Variants in TEKTIP1 observed in about 807,000 individuals in gnomAD.
TEKTIP1 encodes tektin bundle-interacting protein 1.
the TEKTIP1 span, chr19:3,540,014 GGCTAA>G: frequency 6.6e-5 from 10 of 152,032 alleles, no homozygotes; most frequent in Non-Finnish European, 1.0e-4. Flanking sequence ...CACTTTGGAA[GGCTAA>G]GACAGGAGGA....
At chr19:3,543,489 C>A in the TEKTIP1 span, 1,264 of 1,521,030 alleles carry the variant, frequency 8.3e-4, 13 homozygotes, top group Non-Finnish European at 8.5e-4. Context: ...TGCCCCCCCC[C>A]CCGCCCTGGG....
chr19:3,541,873 A>G, the TEKTIP1 span: 118 of 879,518 alleles, frequency 1.3e-4, no homozygotes, highest in Middle Eastern at 2.9e-3. Context: ...CAGTGACGCA[A>G]TCTCGGCTCA....
chr19:3,543,360 CGGACGCCTG>C, the TEKTIP1 span: 3 of 1,549,432 alleles, frequency 1.9e-6, no homozygotes, highest in Non-Finnish European at 2.6e-6. Context: ...CTGACCAACT[CGGACGCCTG>C]GGAAGCCTGG....
At chr19:3,539,586 A>G in the TEKTIP1 span, 1 of 332,116 alleles carries the variant, frequency 3.0e-6, no homozygotes, top group East Asian at 5.0e-5. Context: ...TCTGTGGCTG[A>G]GAGAGTCTGT....
chr19:3,542,789 T>A, the TEKTIP1 span: 603 of 1,368,870 alleles, frequency 4.4e-4, 2 homozygotes, highest in African/African-American at 8.3e-3. Flanking sequence ...GCCTAGTGGG[T>A]CCCCCAGTCT....
chr19:3,544,020 A>G, the TEKTIP1 span: 1 of 1,525,798 alleles, frequency 6.6e-7, no homozygotes, highest in Non-Finnish European at 8.8e-7. Flanking sequence ...AAGGCATGCT[A>G]CCAGGATGCA....
At chr19:3,543,659 C>A in the TEKTIP1 span, 1 of 1,541,510 alleles carries the variant, frequency 6.5e-7, no homozygotes, top group Non-Finnish European at 8.7e-7. Context: ...GAAAGACAGG[C>A]CAATCCGGGG....
the TEKTIP1 span, chr19:3,542,498 G>C: frequency 6.2e-6 from 6 of 975,184 alleles, no homozygotes; most frequent in Non-Finnish European, 6.1e-6. Context: ...TTTTGAGACA[G>C]AGTCTCACTC....
At chr19:3,543,707 TGGGAGGCCA>T in the TEKTIP1 span, 1 of 1,506,328 alleles carries the variant, frequency 6.6e-7, no homozygotes, top group East Asian at 2.5e-5. Flanking sequence ...GGTGGGTCCT[TGGGAGGCCA>T]GGGGGACAAG....
chr19:3,539,906 C>T, the TEKTIP1 span: 1 of 152,136 alleles, frequency 6.6e-6, no homozygotes, highest in Non-Finnish European at 1.5e-5. Flanking sequence ...ACTATGCAGC[C>T]ATGAAAAAGA....
At chr19:3,542,986 A>G in the TEKTIP1 span, 3 of 1,579,174 alleles carry the variant, frequency 1.9e-6, no homozygotes, top group Non-Finnish European at 2.6e-6. Flanking sequence ...AGCTGAGAAC[A>G]GAAAGGTTTA....
the TEKTIP1 span, among the ~76,000 whole-genome samples, chr19:3,540,358 A>G: frequency 6.6e-6 from 1 of 151,300 alleles, no homozygotes; most frequent in African/African-American, 2.4e-5. Flanking sequence ...CCCTGGTTCG[A>G]GCGATTCTCC....
the TEKTIP1 span, chr19:3,542,294 TAGTCAG>T: frequency 2.0e-6 from 2 of 985,384 alleles, no homozygotes; most frequent in Non-Finnish European, 1.2e-6. Flanking sequence ...CCTGGGAGTC[TAGTCAG>T]GATTTAAGCA....
chr19:3,542,716 C>T, the TEKTIP1 span: 2 of 1,297,008 alleles, frequency 1.5e-6, no homozygotes, highest in Non-Finnish European at 2.0e-6. Context: ...CTCCTGACCT[C>T]AAGTGATCCA....
At chr19:3,543,133 G>A in the TEKTIP1 span, 179 of 1,511,726 alleles carry the variant, frequency 1.2e-4, 2 homozygotes, top group African/African-American at 1.6e-3. Context: ...ACCCCACGCC[G>A]TGGGCCAGGC....
At chr19:3,543,443 T>C in the TEKTIP1 span, 7 of 1,540,476 alleles carry the variant, frequency 4.5e-6, no homozygotes, top group South Asian at 2.4e-5. Flanking sequence ...GCACAGCTGC[T>C]ACCAACACCG....
chr19:3,543,253 G>A, the TEKTIP1 span: 2 of 1,546,036 alleles, frequency 1.3e-6, no homozygotes, highest in Non-Finnish European at 1.7e-6. Flanking sequence ...ACCTGTCCCT[G>A]GAGGGTTCCC....
At chr19:3,541,690 G>A in the TEKTIP1 span, 55 of 985,268 alleles carry the variant, frequency 5.6e-5, no homozygotes, top group South Asian at 8.0e-4. Flanking sequence ...GTGTAATAAC[G>A]GGGGTGAGTG....
the TEKTIP1 span, chr19:3,539,364 G>A: frequency 3.7e-5 from 26 of 693,986 alleles, no homozygotes; most frequent in East Asian, 3.3e-4. Context: ...CGTGTCACTC[G>A]TTATTCCTAA....
Sources: gnomAD v4.1 joint callset for allele counts (sites outside exome capture counted in the v4.1 genomes callset) on GRCh38, gnomAD v4.1.1 for gene constraint, MANE v1.5 for transcripts, NCBI Gene and HGNC (gene_info 2026-07-23, HGNC 2026-07-21) for gene names.